The following TSPAN9 variants were observed in gnomAD, a reference collection of about 807,000 sequenced individuals.
TSPAN9 encodes the protein tetraspanin 9.
A neutral mutation model predicts 31.0 loss-of-function variants in TSPAN9; 16 were observed. The ratio of observed to expected loss-of-function variants is 0.52; its 90% CI spans 0.35 to 0.78. The LOEUF (loss-of-function observed/expected upper bound fraction) is 0.78, where lower values mean the gene tolerates loss of function less well. TSPAN9 is among the 30% of genes least tolerant of loss of function. TSPAN9 has a pLI of 0.01. For synonymous variants in TSPAN9, 145 were observed against 121.6 expected (o/e 1.19, Z -1.27); for missense variants, 272 against 312.5 (o/e 0.87, Z 0.98).
At chr12:3,091,696 A>G (rs560107977) in intron 2 of TSPAN9, among the ~76,000 whole-genome samples, 31 of 152,332 alleles carry the variant, frequency 2.0e-4, no homozygotes, top group Admixed American at 4.6e-4. Context: ...ACGCGTTTGA[A>G]ATCCCCTTGG....
chr12:3,109,063 G>T (rs955651900), intron 2 of TSPAN9, among the ~76,000 whole-genome samples: 9 of 151,982 alleles, frequency 5.9e-5, no homozygotes, highest in Non-Finnish European at 1.3e-4. Flanking sequence ...AGCCTCCCGA[G>T]TAGCTGGGAC....
At chr12:3,139,035 C>T (rs1234692740) in intron 2 of TSPAN9, among the ~76,000 whole-genome samples, 2 of 152,106 alleles carry the variant, frequency 1.3e-5, no homozygotes, top group African/African-American at 4.8e-5. Flanking sequence ...GCTCCCCCAC[C>T]CTCCCTACAC....
At chr12:3,258,263 C>T (rs1017478318) in intron 3 of TSPAN9, among the ~76,000 whole-genome samples, 1 of 152,170 alleles carries the variant, frequency 6.6e-6, no homozygotes, top group African/African-American at 2.4e-5. Context: ...CAGTCTCGGG[C>T]TGAGTCCACA....
intron 2 of TSPAN9, among the ~76,000 whole-genome samples, chr12:3,115,500 C>G (rs2098321818): frequency 6.6e-6 from 1 of 152,174 alleles, no homozygotes; most frequent in African/African-American, 2.4e-5. Flanking sequence ...TCACAAAGTC[C>G]CACAGACTGG....
chr12:3,201,334 C>T, intron 3 of TSPAN9, 78 bp downstream of exon 3: 2 of 1,384,796 alleles, frequency 1.4e-6, no homozygotes, highest in Non-Finnish European at 2.1e-6. Flanking sequence ...CCCTCTCCCT[C>T]TTCTGTGCTG....
chr12:3,243,275 G>A (rs1477003209), intron 3 of TSPAN9, among the ~76,000 whole-genome samples: 6 of 152,162 alleles, frequency 3.9e-5, no homozygotes, highest in African/African-American at 1.2e-4. Flanking sequence ...CACCATCGCA[G>A]CCACTGTATG....
At chr12:3,108,869 G>A (rs1040135981) in intron 2 of TSPAN9, among the ~76,000 whole-genome samples, 5 of 151,092 alleles carry the variant, frequency 3.3e-5, no homozygotes, top group Non-Finnish European at 5.9e-5. Flanking sequence ...TTTGGTTTTG[G>A]TTTCATGGGT....
intron 3 of TSPAN9, among the ~76,000 whole-genome samples, chr12:3,266,004 A>G (rs1328324733): frequency 6.6e-6 from 1 of 152,134 alleles, no homozygotes; most frequent in African/African-American, 2.4e-5. Flanking sequence ...GGTTAATGCC[A>G]GCTTTCTCCT....
At chr12:3,162,311 T>C (rs1222710987) in intron 2 of TSPAN9, among the ~76,000 whole-genome samples, 1 of 152,216 alleles carries the variant, frequency 6.6e-6, no homozygotes, top group Non-Finnish European at 1.5e-5. Context: ...TGATCAATCA[T>C]CCAGCTTCAG....
intron 3 of TSPAN9, among the ~76,000 whole-genome samples, chr12:3,267,521 T>A (rs555326275): frequency 2.2e-4 from 33 of 152,350 alleles, no homozygotes; most frequent in African/African-American, 7.2e-4. Context: ...AGCTGCCAGT[T>A]ACATTGCCAT....
intron 2 of TSPAN9, among the ~76,000 whole-genome samples, chr12:3,137,894 C>T (rs1351227587): frequency 6.6e-6 from 1 of 152,192 alleles, no homozygotes; most frequent in Non-Finnish European, 1.5e-5. Context: ...CTATCCCAGG[C>T]CCCTTGAAGC....
chr12:3,277,350 A>G (rs901426016), intron 3 of TSPAN9, among the ~76,000 whole-genome samples: 3 of 152,158 alleles, frequency 2.0e-5, no homozygotes, highest in Non-Finnish European at 4.4e-5. Context: ...GGCTTCCATG[A>G]CTGCGACAGT....
chr12:3,268,657 C>T (rs866850970), intron 3 of TSPAN9, among the ~76,000 whole-genome samples: 108 of 55,608 alleles, frequency 1.9e-3, no homozygotes, highest in South Asian at 2.6e-3. Flanking sequence ...GCCTGCCCTC[C>T]GTGCGTTCCT....
At chr12:3,235,251 T>A (rs865883675) in intron 3 of TSPAN9, among the ~76,000 whole-genome samples, 1 of 61,208 alleles carries the variant, frequency 1.6e-5, no homozygotes, top group Non-Finnish European at 2.8e-5. Flanking sequence ...TATATATATA[T>A]ATATATATAT....
rs1397852862 is a variant in TSPAN9 at position 3,280,464 on chromosome 12, G to A, written c.413G>A (p.Trp138Ter). 2.5e-6 allele frequency: 4 copies of A among 1,612,734 alleles called. No homozygotes were observed. The South Asian group carries it at 4.4e-5, about 18-fold the overall frequency. ...TENNVGLKNA[W>*]NIIQAEMRCC... ...AACAACGTGGGGCTGAAGAACGCCT[G>A]GAACATCATCCAGGCTGAGGTGCGG... Residue 138 changes from tryptophan to a stop codon, truncating the protein, a stop_gained, in exon 6 of 9, where the codon TGG becomes TAG. Coordinates refer to ENST00000011898, the MANE Select transcript of TSPAN9 (RefSeq NM_006675.5). LOFTEE classifies it high-confidence loss of function. The surrounding 1 kb of genome is among the most constrained non-coding windows in gnomAD (Gnocchi z 4.5).
chr12:3,099,577 AT>A (rs2098310838), intron 2 of TSPAN9, among the ~76,000 whole-genome samples: 1 of 152,134 alleles, frequency 6.6e-6, no homozygotes, highest in Admixed American at 6.6e-5. Context: ...ATGTCTACTG[AT>A]TTTTAATTGG....
At chr12:3,092,712 G>C (rs2098305471) in intron 2 of TSPAN9, among the ~76,000 whole-genome samples, 1 of 152,190 alleles carries the variant, frequency 6.6e-6, no homozygotes, top group Admixed American at 6.5e-5. Context: ...TTATCCAAAT[G>C]GGTCTCAGTT....
chr12:3,109,307 A>AGAGAGAGAGAGT (rs560687812), intron 2 of TSPAN9, among the ~76,000 whole-genome samples: 2,890 of 143,080 alleles, frequency 0.02, 92 homozygotes, highest in African/African-American at 0.074. Flanking sequence ...TGTGAGAGAG[A>AGAGAGAGAGAGT]GTGTGTGTGT....
At chr12:3,233,737 A>G (rs1262734688) in intron 3 of TSPAN9, among the ~76,000 whole-genome samples, 3 of 152,210 alleles carry the variant, frequency 2.0e-5, no homozygotes, top group Non-Finnish European at 4.4e-5. Flanking sequence ...TTTCATGCAC[A>G]TGAATAATAG....
Sources: allele counts gnomAD v4.1 joint callset (sites outside exome capture counted in the v4.1 genomes callset), GRCh38; gene constraint gnomAD v4.1.1; non-coding constraint Gnocchi (gnomAD v3.1); transcripts MANE v1.5; gene names NCBI Gene and HGNC (gene_info 2026-07-23, HGNC 2026-07-21).